Variants in CRYL1 observed in about 807,000 individuals in gnomAD.
CRYL1 encodes crystallin lambda 1, also known as lambda-crystallin homolog.
CRYL1 carries 29 observed loss-of-function variants against 36.6 expected under a neutral mutation model. That is an observed-to-expected ratio of 0.79 (90% CI 0.59 to 1.08). The LOEUF (loss-of-function observed/expected upper bound fraction) is 1.08, where lower values mean the gene tolerates loss of function less well. Among genes scored for constraint, CRYL1 ranks in the 50% least tolerant of loss-of-function variants. The pLI is 0.00. For synonymous variants in CRYL1, 152 were observed against 151.5 expected (o/e 1.00, Z -0.02); for missense variants, 411 against 407.9 (o/e 1.01, Z -0.06).
chr13:20,404,743 T>C lies in CRYL1; in HGVS notation c.740-2A>G, dbSNP rs1219395730. On this transcript the variant is annotated splice_acceptor_variant, in intron 6 of 7. Transcript: ENST00000298248. LOFTEE classifies it high-confidence loss of function. ...ATCTGTCGCAGTAGCTTAACATACC[T>C]GGAATTGTATGAAGACAAGAATCCA... The C allele has an allele frequency of 6.3e-7, 1 of 1,576,804 alleles. No homozygotes were observed. The highest frequency in any genetic ancestry group is 8.7e-7 in the Non-Finnish European group (1 of 1,147,780).
chr13:20,516,774 C>T (rs971623954), intron 1 of CRYL1, among the ~76,000 whole-genome samples: 1 of 152,170 alleles, frequency 6.6e-6, no homozygotes, highest in Non-Finnish European at 1.5e-5. Context: ...GCCACCACGC[C>T]CGGCCAAAAG....
intron 2 of CRYL1, among the ~76,000 whole-genome samples, chr13:20,499,532 A>G (rs1164639186): frequency 6.6e-6 from 1 of 151,696 alleles, no homozygotes; most frequent in Non-Finnish European, 1.5e-5. Flanking sequence ...AGGCGCCTGT[A>G]GTCCCAGCTA....
At chr13:20,406,652 T>A (rs1228968593) in intron 6 of CRYL1, among the ~76,000 whole-genome samples, 1 of 152,164 alleles carries the variant, frequency 6.6e-6, no homozygotes, top group Admixed American at 6.5e-5. Flanking sequence ...TTTACTTCAC[T>A]TTTGCTAGTT....
chr13:20,472,410 G>A (rs1016018843), intron 3 of CRYL1, among the ~76,000 whole-genome samples: 1 of 152,204 alleles, frequency 6.6e-6, no homozygotes, highest in Admixed American at 6.5e-5. Context: ...GAATCTGAGG[G>A]AGGGCAGCTG....
intron 2 of CRYL1, among the ~76,000 whole-genome samples, chr13:20,493,488 C>T (rs936685455): frequency 8.5e-5 from 13 of 152,112 alleles, no homozygotes; most frequent in Non-Finnish European, 1.3e-4. Context: ...GGTGAAACCC[C>T]GATTCTACTA....
rs2032200161 is a variant in CRYL1 at position 20,435,802 on chromosome 13, C to T, written c.439-3506G>A. Among the ~76,000 whole-genome samples the T allele has an allele frequency of 6.6e-6, 1 of 152,204 alleles. No individual in the cohort carries two copies. Among genetic ancestry groups the T allele is most frequent in the Admixed American group, 6.5e-5 (1 of 15,288 alleles). On this transcript the variant is annotated intron_variant, in intron 4 of 7. Coordinates refer to ENST00000298248, the MANE Select transcript of CRYL1 (RefSeq NM_015974.3). This position sits in a 1 kb window ranked among gnomAD's most constrained non-coding sequence, Gnocchi z 4.0. The stretch of plus-strand genomic sequence containing the variant: ...ACAGCGCGGCTGCCCACAGAGACTC[C>T]CTTCACCCCCGCTCCGGGAGCAACC...
intron 3 of CRYL1, among the ~76,000 whole-genome samples, chr13:20,440,189 T>G (rs1379343273): frequency 6.6e-6 from 1 of 152,226 alleles, no homozygotes; most frequent in Non-Finnish European, 1.5e-5. Context: ...TTATCAAACC[T>G]AAGCATAAAA....
At chr13:20,495,577 T>C (rs921544692) in intron 2 of CRYL1, among the ~76,000 whole-genome samples, 1 of 152,186 alleles carries the variant, frequency 6.6e-6, no homozygotes, top group African/African-American at 2.4e-5. Context: ...GGAAAACGTA[T>C]GGTGGTAACT....
chr13:20,445,938 T>C (rs1268750847), intron 3 of CRYL1, among the ~76,000 whole-genome samples: 2 of 152,204 alleles, frequency 1.3e-5, no homozygotes, highest in Non-Finnish European at 2.9e-5. Flanking sequence ...GCTGGCTTCC[T>C]ACAGATCTTT....
chr13:20,430,404 T>A (rs2032032760), intron 5 of CRYL1: 1 of 985,296 alleles, frequency 1.0e-6, no homozygotes, highest in Non-Finnish European at 1.2e-6. Flanking sequence ...TCAGGAGGTA[T>A]GTCACCACAG....
At chr13:20,424,738 CA>C (rs1457019614) in intron 5 of CRYL1, among the ~76,000 whole-genome samples, 1 of 152,124 alleles carries the variant, frequency 6.6e-6, no homozygotes, top group Non-Finnish European at 1.5e-5. Flanking sequence ...TAGCCCAGGG[CA>C]AAGCCGGCAG....
rs1007859405 is a variant in CRYL1 at position 20,525,587 on chromosome 13, C to T, written c.41+167G>A. Reference sequence around the variant, plus strand: ...AAGCCCCTCCAGCCGCGCCTCTCCCCGAGCCCGCCAGCGCCGTAGGGGCCG... The same window carrying T: ...AAGCCCCTCCAGCCGCGCCTCTCCCTGAGCCCGCCAGCGCCGTAGGGGCCG... On this transcript the variant is annotated intron_variant, in intron 1 of 7. Transcript: ENST00000298248. This position sits in a 1 kb window ranked among gnomAD's most constrained non-coding sequence, Gnocchi z 4.3. 1.5e-4 allele frequency among the ~76,000 whole-genome samples: 23 copies of T among 152,224 alleles called. No individual in the cohort carries two copies. The highest frequency in any genetic ancestry group is 2.5e-4 in the Non-Finnish European group (17 of 67,996).
intron 4 of CRYL1, 72 bp downstream of exon 4, chr13:20,439,521 A>AAAAC (rs2032306025): frequency 1.0e-6 from 1 of 963,746 alleles, no homozygotes; most frequent in Non-Finnish European, 1.5e-6. Context: ...CCGCAAAAAA[A>AAAAC]AAAAAAAAAG....
At chr13:20,507,677 G>T (rs1408569417) in intron 2 of CRYL1, among the ~76,000 whole-genome samples, 2 of 152,194 alleles carry the variant, frequency 1.3e-5, no homozygotes, top group Non-Finnish European at 2.9e-5. Context: ...CCAGCACTTT[G>T]GGAGGCCAAG....
chr13:20,499,570 G>A (rs1355542723), intron 2 of CRYL1, among the ~76,000 whole-genome samples: 4 of 151,256 alleles, frequency 2.6e-5, no homozygotes, highest in South Asian at 2.1e-4. Context: ...GGAGAGTGGC[G>A]TGAACCCGAG....
intron 3 of CRYL1, among the ~76,000 whole-genome samples, chr13:20,485,712 G>GAAAAGAAA (rs2033383577): frequency 6.6e-6 from 1 of 151,812 alleles, no homozygotes; most frequent in African/African-American, 2.4e-5. Flanking sequence ...GAAAAGAAAT[G>GAAAAGAAA]TGTAAACATG....
chr13:20,455,112 A>G (rs570080738), intron 3 of CRYL1, among the ~76,000 whole-genome samples: 1 of 152,308 alleles, frequency 6.6e-6, no homozygotes, highest in African/African-American at 2.4e-5. Context: ...AGGTCAATAT[A>G]AAAAAACTGT....
chr13:20,482,745 G>A (rs143322760), intron 3 of CRYL1, among the ~76,000 whole-genome samples: 1 of 152,158 alleles, frequency 6.6e-6, no homozygotes, highest in Non-Finnish European at 1.5e-5. Flanking sequence ...CAGTCTGTGT[G>A]TGTGTGTGTG....
At chr13:20,437,366 G>C (rs755982385) in intron 4 of CRYL1, among the ~76,000 whole-genome samples, 3 of 150,568 alleles carry the variant, frequency 2.0e-5, no homozygotes, top group Non-Finnish European at 4.4e-5. Flanking sequence ...GGAGTGCAGT[G>C]GCGCGATCTC....
Sources: allele counts gnomAD v4.1 joint callset (sites outside exome capture counted in the v4.1 genomes callset), GRCh38; gene constraint gnomAD v4.1.1; non-coding constraint Gnocchi (gnomAD v3.1); transcripts MANE v1.5; gene names NCBI Gene and HGNC (gene_info 2026-07-23, HGNC 2026-07-21).